Variants in ZNF521 observed in about 807,000 individuals in gnomAD.
ZNF521 encodes LYST-interacting protein 3.
Under a neutral mutation model 105.5 loss-of-function variants are expected in ZNF521, and 14 were observed. The ratio of observed to expected loss-of-function variants is 0.13; its 90% CI spans 0.09 to 0.21. ZNF521 has a LOEUF of 0.21. ZNF521 is among the 10% of genes least tolerant of loss of function. The pLI is 1.00. For missense variants in ZNF521, 1,233 were observed against 1,629.7 expected, an observed-to-expected ratio of 0.76 and a Z score of 4.19; for synonymous variants, 635 against 606.0, an observed-to-expected ratio of 1.05 and a Z score of -0.70.
intron 5 of ZNF521, among the ~76,000 whole-genome samples, chr18:25,153,120 T>G (rs1209488521): frequency 6.6e-6 from 1 of 152,200 alleles, no homozygotes; most frequent in African/African-American, 2.4e-5. Flanking sequence ...TTACTATGTA[T>G]TTTGGTACAT....
At chr18:25,092,102 A>G in intron 5 of ZNF521, 21 bp from the exon 6 acceptor site, 1 of 1,613,358 alleles carries the variant, frequency 6.2e-7, no homozygotes, top group Non-Finnish European at 8.5e-7. Flanking sequence ...AAACACATGA[A>G]GAGAAATGAT....
At chr18:25,080,540 C>G (rs6508346) in intron 7 of ZNF521, among the ~76,000 whole-genome samples, 1 of 152,114 alleles carries the variant, frequency 6.6e-6, no homozygotes, top group African/African-American at 2.4e-5. Context: ...TGAAGCTGCC[C>G]GGCCTTAGCA....
chr18:25,094,659 C>G (rs979657814), intron 5 of ZNF521, among the ~76,000 whole-genome samples: 6 of 152,080 alleles, frequency 3.9e-5, no homozygotes, highest in Non-Finnish European at 7.4e-5. Context: ...TTACTGATCT[C>G]CTAGTTATTT....
Position 25,224,714 on chromosome 18 carries a change from T to C in ZNF521, c.3204A>G (p.Ala1068=), listed in dbSNP as rs745787730. 2 of 1,614,086 alleles carry C rather than the reference T, an allele frequency of 1.2e-6. No individual in the cohort carries two copies. The highest frequency in any genetic ancestry group is 1.7e-6 in the Non-Finnish European group (2 of 1,179,998). The change falls in exon 4 of 8, where the codon GCA becomes GCG. Residue 1068 remains alanine, a synonymous_variant. Transcript: ENST00000361524. ...GQHVQKLYKC[A]SCLKEFRSKQ... ...TGGAACGGAATTCTTTGAGGCAAGA[T>C]GCGCACTTATACAGTTTTTGGACGT...
At chr18:25,113,417 G>T (rs910846520) in intron 5 of ZNF521, among the ~76,000 whole-genome samples, 1 of 152,138 alleles carries the variant, frequency 6.6e-6, no homozygotes, top group Non-Finnish European at 1.5e-5. Flanking sequence ...CATGTTTCTT[G>T]TGCTCATGGA....
At chr18:25,254,105 C>T (rs577480089) in intron 3 of ZNF521, among the ~76,000 whole-genome samples, 1 of 152,186 alleles carries the variant, frequency 6.6e-6, no homozygotes, top group Non-Finnish European at 1.5e-5. Context: ...TGCCTAAAGT[C>T]CTAAAATAGT....
chr18:25,177,804 G>A (rs759482468), intron 5 of ZNF521, among the ~76,000 whole-genome samples: 1 of 152,192 alleles, frequency 6.6e-6, no homozygotes, highest in Non-Finnish European at 1.5e-5. Context: ...CAGCACCAAT[G>A]AAGAGTTGGC....
intron 5 of ZNF521, among the ~76,000 whole-genome samples, chr18:25,168,844 GGTTA>G (rs1449496054): frequency 2.6e-5 from 4 of 152,132 alleles, no homozygotes; most frequent in African/African-American, 4.8e-5. Flanking sequence ...TGGGAAGGCA[GGTTA>G]GTATTTCTCC....
intron 4 of ZNF521, among the ~76,000 whole-genome samples, chr18:25,196,524 C>A (rs991521176): frequency 6.6e-6 from 1 of 151,002 alleles, no homozygotes; most frequent in Admixed American, 6.6e-5. Context: ...TTTTCTTCTG[C>A]AACAGTGGCC....
At chr18:25,248,593 CT>C (rs1467834132) in intron 3 of ZNF521, among the ~76,000 whole-genome samples, 1 of 152,162 alleles carries the variant, frequency 6.6e-6, no homozygotes, top group Non-Finnish European at 1.5e-5. Flanking sequence ...ATCCTGTGTA[CT>C]TTTCTAGCTT....
At chr18:25,165,542 C>T (rs536517018) in intron 5 of ZNF521, among the ~76,000 whole-genome samples, 103 of 152,340 alleles carry the variant, frequency 6.8e-4, no homozygotes, top group African/African-American at 2.3e-3. Context: ...AGAGCACATG[C>T]ATGACTTTTG....
chr18:25,073,417 C>A (rs1220556456), intron 7 of ZNF521, among the ~76,000 whole-genome samples: 1 of 152,196 alleles, frequency 6.6e-6, no homozygotes, highest in East Asian at 1.9e-4. Context: ...GTTTTGCAGT[C>A]AGCTGCAAGA....
intron 5 of ZNF521, among the ~76,000 whole-genome samples, chr18:25,163,270 T>C (rs974094794): frequency 2.0e-5 from 3 of 152,202 alleles, no homozygotes; most frequent in Non-Finnish European, 4.4e-5. Flanking sequence ...GCAATGCAAG[T>C]ATGGCCTGAA....
chr18:25,170,744 G>A (rs2035435238), intron 5 of ZNF521, among the ~76,000 whole-genome samples: 1 of 152,064 alleles, frequency 6.6e-6, no homozygotes, highest in South Asian at 2.1e-4. Context: ...GGCTTTGAAG[G>A]CCATGCACAT....
At chr18:25,071,231 T>C (rs1235728548) in intron 7 of ZNF521, among the ~76,000 whole-genome samples, 4 of 152,168 alleles carry the variant, frequency 2.6e-5, no homozygotes, top group Admixed American at 2.0e-4. Flanking sequence ...CAGTAAAACG[T>C]AGTCAATGGG....
At chr18:25,251,428 A>C (rs1319661844) in intron 3 of ZNF521, among the ~76,000 whole-genome samples, 1 of 152,218 alleles carries the variant, frequency 6.6e-6, no homozygotes, top group Non-Finnish European at 1.5e-5. Context: ...TAACTTTAAA[A>C]AGATGGTTTA....
At chr18:25,104,963 A>C (rs1437190865) in intron 5 of ZNF521, among the ~76,000 whole-genome samples, 1 of 152,216 alleles carries the variant, frequency 6.6e-6, no homozygotes, top group Non-Finnish European at 1.5e-5. Flanking sequence ...GGACGGGAAG[A>C]GATGTTTTCT....
intron 5 of ZNF521, among the ~76,000 whole-genome samples, chr18:25,177,893 C>A (rs953967092): frequency 2.0e-5 from 3 of 152,178 alleles, no homozygotes; most frequent in East Asian, 1.9e-4. Flanking sequence ...AGGAAACCTG[C>A]ACAATTTTGT....
rs549953480 is a variant in ZNF521 at position 25,205,674 on chromosome 18, CTT to C, written c.3574-10432_3574-10431del. On this transcript the variant is annotated intron_variant, in intron 4 of 7. Coordinates refer to ENST00000361524, the MANE Select transcript of ZNF521 (RefSeq NM_015461.3). ...CCCATCCAGAAGAGTGGTAGTATAACTTATAATCCCACCATAAACTAGGAAAA... is the reference window on the plus strand; with the variant it reads ...CCCATCCAGAAGAGTGGTAGTATAACATAATCCCACCATAAACTAGGAAAA... Among the ~76,000 whole-genome samples the C allele has an allele frequency of 1.5e-4, 23 of 152,138 alleles. 2 individuals are homozygous for C. In the South Asian group the frequency reaches 3.5e-3, roughly 23 times the overall value.
Sources: allele counts gnomAD v4.1 joint callset (sites outside exome capture counted in the v4.1 genomes callset), GRCh38; gene constraint gnomAD v4.1.1; transcripts MANE v1.5; gene names NCBI Gene and HGNC (gene_info 2026-07-23, HGNC 2026-07-21).